The following PDE3A variants were observed in gnomAD, a reference collection of about 807,000 sequenced individuals.
The protein encoded by PDE3A is phosphodiesterase 3A, also known as cGMP-inhibited 3',5'-cyclic phosphodiesterase 3A.
PDE3A carries 43 observed loss-of-function variants against 98.3 expected under a neutral mutation model. That is an observed-to-expected ratio of 0.44 (90% CI 0.34 to 0.56). The LOEUF (loss-of-function observed/expected upper bound fraction) is 0.56. Among genes scored for constraint, PDE3A ranks in the 20% least tolerant of loss-of-function variants. The pLI is 0.01. For synonymous variants in PDE3A, 663 were observed against 567.9 expected (o/e 1.17, Z -2.38); for missense variants, 1,427 against 1,440.7 (o/e 0.99, Z 0.15).
At chr12:20,667,969 G>C (rs1945362212) in intron 15 of PDE3A, among the ~76,000 whole-genome samples, 1 of 152,128 alleles carries the variant, frequency 6.6e-6, no homozygotes. Flanking sequence ...GCGAGACAGT[G>C]GGCGCAGGTC....
chr12:20,598,344 G>A (rs1339041987), intron 2 of PDE3A, among the ~76,000 whole-genome samples: 3 of 151,840 alleles, frequency 2.0e-5, no homozygotes, highest in South Asian at 2.1e-4. Flanking sequence ...CACCACGCCC[G>A]GCTAATTTTT....
At chr12:20,653,526 C>T (rs1234554312) in intron 14 of PDE3A, among the ~76,000 whole-genome samples, 1 of 152,062 alleles carries the variant, frequency 6.6e-6, no homozygotes, top group Non-Finnish European at 1.5e-5. Context: ...CTACACCCAG[C>T]TAATTTTTTG....
intron 2 of PDE3A, among the ~76,000 whole-genome samples, chr12:20,578,507 A>T (rs1020750279): frequency 6.9e-6 from 1 of 145,322 alleles, no homozygotes; most frequent in Non-Finnish European, 1.5e-5. Context: ...ACACACACAC[A>T]CGTAGTACTC....
chr12:20,611,018 A>T (rs1304633554), intron 2 of PDE3A, among the ~76,000 whole-genome samples: 15 of 151,914 alleles, frequency 9.9e-5, no homozygotes, highest in Admixed American at 9.8e-4. Context: ...TGTATTACAG[A>T]TTTTTGTTAA....
intron 1 of PDE3A, among the ~76,000 whole-genome samples, chr12:20,456,875 G>A (rs1184773499): frequency 6.6e-6 from 1 of 152,100 alleles, no homozygotes; most frequent in African/African-American, 2.4e-5. Context: ...TTTGCCAGCT[G>A]GGGACCATAC....
chr12:20,477,558 C>T (rs566221897), intron 1 of PDE3A, among the ~76,000 whole-genome samples: 4 of 152,158 alleles, frequency 2.6e-5, no homozygotes. Flanking sequence ...AGGAATAATT[C>T]GATATCTGGC....
intron 6 of PDE3A, among the ~76,000 whole-genome samples, chr12:20,631,516 G>C (rs1027633969): frequency 2.0e-5 from 3 of 152,094 alleles, no homozygotes; most frequent in African/African-American, 7.2e-5. Context: ...TTGTTTTATT[G>C]TATGCACCCT....
chr12:20,648,929 T>TTC (rs772992021), intron 13 of PDE3A, 38 bp downstream of exon 13: 7 of 924,540 alleles, frequency 7.6e-6, no homozygotes, highest in South Asian at 3.9e-5. Context: ...TTCTTTTTCT[T>TTC]TTTTTTTTTT....
At position 20,688,100 on chromosome 12, in the gene PDE3A, A is replaced by C. The variant is rs183055971; in HGVS notation, c.*7829A>C. ...ACTATAGGGATGTCATTTGTACATGACAATTTTTAACAATGTAATTCTTAC... is the reference window on the plus strand; with the variant it reads ...ACTATAGGGATGTCATTTGTACATGCCAATTTTTAACAATGTAATTCTTAC... On this transcript the variant is annotated 3_prime_UTR_variant, in exon 16 of 16. Transcript: ENST00000359062. 1.8e-4 allele frequency among the ~76,000 whole-genome samples: 28 copies of C among 152,124 alleles called. No individual in the cohort carries two copies. The highest frequency in any genetic ancestry group is 3.2e-4 in the Non-Finnish European group (22 of 67,926).
chr12:20,369,196 T>G lies in PDE3A; in HGVS notation c.-89T>G. The G allele has an allele frequency of 2.9e-6, 2 of 688,670 alleles. No individual in the cohort carries two copies. The highest frequency in any genetic ancestry group is 4.5e-6 in the Non-Finnish European group (2 of 445,510). The allele number at this position is 688,670 out of a possible 1,614,324, so 42.7% of individuals were successfully genotyped here. On this transcript the variant is annotated 5_prime_UTR_variant, in exon 1 of 16. Transcript: ENST00000359062. The stretch of plus-strand genomic sequence containing the variant: ...ATTGGGAAGAGCGTGCGTGCGTGTG[T>G]GTGTGTGTGTGTGTGCGCGCGCGCG...
At chr12:20,614,208 A>AAAAT (rs1943943810) in intron 3 of PDE3A, among the ~76,000 whole-genome samples, 1 of 152,218 alleles carries the variant, frequency 6.6e-6, no homozygotes, top group Admixed American at 6.5e-5. Context: ...TATTTAAAGT[A>AAAAT]AAATATATCC....
At chr12:20,561,767 A>T (rs1942528069) in intron 2 of PDE3A, among the ~76,000 whole-genome samples, 1 of 152,180 alleles carries the variant, frequency 6.6e-6, no homozygotes, top group Non-Finnish European at 1.5e-5. Flanking sequence ...TTATCACAGA[A>T]TTTAAGATGC....
chr12:20,415,634 AC>A (rs1019831720), intron 1 of PDE3A, among the ~76,000 whole-genome samples: 10 of 152,040 alleles, frequency 6.6e-5, no homozygotes, highest in African/African-American at 2.4e-4. Flanking sequence ...ACGGGGTTTC[AC>A]CATGTTGGCC....
chr12:20,579,008 G>A (rs1280249565), intron 2 of PDE3A, among the ~76,000 whole-genome samples: 2 of 151,394 alleles, frequency 1.3e-5, no homozygotes, highest in African/African-American at 4.9e-5. Flanking sequence ...TTTTTTTCTC[G>A]GATGTACTTT....
intron 1 of PDE3A, among the ~76,000 whole-genome samples, chr12:20,387,258 C>CT (rs1041092625): frequency 6.7e-4 from 101 of 151,520 alleles, no homozygotes; most frequent in Admixed American, 1.1e-3. Flanking sequence ...TGTGTGGGCT[C>CT]TTTTTTTTGG....
At chr12:20,529,137 A>G (rs1165417231) in intron 1 of PDE3A, among the ~76,000 whole-genome samples, 4 of 152,210 alleles carry the variant, frequency 2.6e-5, no homozygotes, top group Non-Finnish European at 4.4e-5. Flanking sequence ...AAAATCTACC[A>G]GAAGAATCAT....
At chr12:20,670,914 G>C (rs1000578338) in intron 15 of PDE3A, among the ~76,000 whole-genome samples, 2 of 131,308 alleles carry the variant, frequency 1.5e-5, no homozygotes, top group Admixed American at 1.5e-4. Context: ...CCAGGAGCTG[G>C]TTTTTTGAAA....
chr12:20,423,940 A>G (rs12369136), intron 1 of PDE3A, among the ~76,000 whole-genome samples: 5,256 of 152,306 alleles, frequency 0.035, 119 homozygotes, highest in Middle Eastern at 0.054. Context: ...TGCCTATAGT[A>G]ATAACCAAGT....
At chr12:20,403,062 A>G (rs531971858) in intron 1 of PDE3A, among the ~76,000 whole-genome samples, 1 of 152,316 alleles carries the variant, frequency 6.6e-6, no homozygotes, top group South Asian at 2.1e-4. Context: ...ATGCCATCAC[A>G]TGAATTTTTA....
Sources: allele counts gnomAD v4.1 joint callset (sites outside exome capture counted in the v4.1 genomes callset), GRCh38; gene constraint gnomAD v4.1.1; transcripts MANE v1.5; gene names NCBI Gene and HGNC (gene_info 2026-07-23, HGNC 2026-07-21).